Variants in FHIT observed in about 807,000 individuals in gnomAD.
FHIT encodes the protein bis(5'-adenosyl)-triphosphatase.
FHIT carries 19 observed loss-of-function variants against 17.9 expected under a neutral mutation model. That is an observed-to-expected ratio of 1.06 (90% CI 0.74 to 1.56). The LOEUF (loss-of-function observed/expected upper bound fraction) is 1.56, where lower values mean the gene tolerates loss of function less well. Ranked by LOEUF, FHIT falls within the 40% of genes most tolerant of loss-of-function variation. The pLI, the probability that FHIT is intolerant of heterozygous loss-of-function variation, is 0.00. For synonymous variants in FHIT, 81 were observed against 69.7 expected, an observed-to-expected ratio of 1.16 and a Z score of -0.81; for missense variants, 248 against 189.2, an observed-to-expected ratio of 1.31 and a Z score of -1.82.
Position 60,014,136 on chromosome 3 carries a change from C to T in FHIT, c.120G>A (p.Pro40=), listed in dbSNP as rs760134539. Residue 40 remains proline (P), a synonymous_variant, in exon 6 of 10, where the codon CCG becomes CCA. Coordinates refer to ENST00000492590, the MANE Select transcript of FHIT (RefSeq NM_002012.4). ...CATGGAAGCGCTCCACTGGCCGCAG[C>T]GGGCACACAAGGACATCTGTAGCAA... ...PVVPGHVLVC[P]LRPVERFHDL... 116 of 1,613,888 alleles carry T rather than the reference C, an allele frequency of 7.2e-5. No homozygotes were observed. Among genetic ancestry groups the T allele is most frequent in the Middle Eastern group, 3.3e-4 (2 of 6,080 alleles).
chr3:60,151,798 A>G (rs1700476169), intron 5 of FHIT, among the ~76,000 whole-genome samples: 1 of 152,118 alleles, frequency 6.6e-6, no homozygotes, highest in Non-Finnish European at 1.5e-5. Context: ...CCAATCTCAT[A>G]TCTTCAAAAA....
At chr3:60,203,676 T>A (rs576183027) in intron 5 of FHIT, among the ~76,000 whole-genome samples, 1 of 152,256 alleles carries the variant, frequency 6.6e-6, no homozygotes, top group African/African-American at 2.4e-5. Flanking sequence ...AAAACATATA[T>A]GTACACACTG....
chr3:61,159,202 ACATTTTC>A (rs1325441812), intron 2 of FHIT, among the ~76,000 whole-genome samples: 1 of 152,182 alleles, frequency 6.6e-6, no homozygotes, highest in Non-Finnish European at 1.5e-5. Context: ...AATAGGACTA[ACATTTTC>A]TATCTGGTAT....
chr3:60,632,480 G>A (rs555220545), intron 4 of FHIT, among the ~76,000 whole-genome samples: 1 of 152,264 alleles, frequency 6.6e-6, no homozygotes, highest in African/African-American at 2.4e-5. Flanking sequence ...GTAGGAGAGC[G>A]CGTCTTCTCC....
chr3:59,758,355 A>G (rs1326689844), intron 8 of FHIT, among the ~76,000 whole-genome samples: 2 of 152,202 alleles, frequency 1.3e-5, no homozygotes, highest in South Asian at 2.1e-4. Context: ...ACAAACATGT[A>G]TCAGAGTTAG....
chr3:60,158,110 C>G (rs1218898371), intron 5 of FHIT, among the ~76,000 whole-genome samples: 1 of 151,960 alleles, frequency 6.6e-6, no homozygotes, highest in Non-Finnish European at 1.5e-5. Context: ...TGATAAGGAA[C>G]AAAAGAAGAA....
At chr3:60,725,742 T>C (rs769310787) in intron 4 of FHIT, among the ~76,000 whole-genome samples, 80 of 152,210 alleles carry the variant, frequency 5.3e-4, no homozygotes, top group Non-Finnish European at 1.0e-3. Flanking sequence ...CTGGTGCTAC[T>C]GCTGCTAATA....
At chr3:60,818,222 C>A (rs931021552) in intron 4 of FHIT, among the ~76,000 whole-genome samples, 3 of 152,128 alleles carry the variant, frequency 2.0e-5, no homozygotes. Flanking sequence ...ACATTTGGCT[C>A]ATCTTGGAAT....
At chr3:60,922,658 A>G (rs1357672731) in intron 3 of FHIT, among the ~76,000 whole-genome samples, 1 of 152,172 alleles carries the variant, frequency 6.6e-6, no homozygotes, top group Non-Finnish European at 1.5e-5. Context: ...TTACTCAACC[A>G]TGTTATCAAC....
intron 4 of FHIT, among the ~76,000 whole-genome samples, chr3:60,730,883 G>A (rs782464114): frequency 6.6e-6 from 1 of 151,820 alleles, no homozygotes; most frequent in Non-Finnish European, 1.5e-5. Context: ...TTGGGAGGCT[G>A]AGGCAGGTGG....
At chr3:61,120,545 A>T (rs1394821213) in intron 2 of FHIT, among the ~76,000 whole-genome samples, 1 of 152,140 alleles carries the variant, frequency 6.6e-6, no homozygotes, top group Non-Finnish European at 1.5e-5. Flanking sequence ...AGCTAACCCT[A>T]CCTAAAGTGT....
At chr3:59,784,018 T>C (rs1051547134) in intron 8 of FHIT, among the ~76,000 whole-genome samples, 3 of 152,198 alleles carry the variant, frequency 2.0e-5, no homozygotes, top group African/African-American at 7.2e-5. Flanking sequence ...TGAAAGATGA[T>C]ATTGACTATT....
At chr3:60,625,978 A>C (rs2039274445) in intron 4 of FHIT, among the ~76,000 whole-genome samples, 1 of 152,228 alleles carries the variant, frequency 6.6e-6, no homozygotes, top group Admixed American at 6.5e-5. Context: ...GTTGCCCCAG[A>C]ATCATTTGTT....
chr3:59,789,388 GACTA>G (rs1374700051), intron 8 of FHIT, among the ~76,000 whole-genome samples: 3 of 152,070 alleles, frequency 2.0e-5, no homozygotes, highest in African/African-American at 7.2e-5. Flanking sequence ...GGTTTCTACT[GACTA>G]ACTCATTTAA....
At chr3:59,887,474 A>T (rs1703675949) in intron 8 of FHIT, among the ~76,000 whole-genome samples, 1 of 152,220 alleles carries the variant, frequency 6.6e-6, no homozygotes, top group African/African-American at 2.4e-5. Flanking sequence ...TGCAGCAGTC[A>T]GAGAGCCAAG....
intron 4 of FHIT, chr3:60,732,622 G>A: frequency 1.9e-6 from 1 of 521,900 alleles, no homozygotes; most frequent in South Asian, 1.6e-5. Flanking sequence ...GGAAGTACAC[G>A]GTGGGGTTGA....
chr3:60,893,539 C>T (rs1281790090), intron 3 of FHIT, among the ~76,000 whole-genome samples: 6 of 152,162 alleles, frequency 3.9e-5, no homozygotes, highest in Non-Finnish European at 8.8e-5. Context: ...TTACTCTACT[C>T]TGTAGATGCC....
chr3:59,788,193 TTTCAC>T (rs1699395033), intron 8 of FHIT, among the ~76,000 whole-genome samples: 1 of 152,126 alleles, frequency 6.6e-6, no homozygotes. Context: ...GGGCTTTGAT[TTTCAC>T]TTTTTCATGG....
At chr3:59,938,664 C>T (rs1706360556) in intron 7 of FHIT, among the ~76,000 whole-genome samples, 1 of 152,122 alleles carries the variant, frequency 6.6e-6, no homozygotes, top group Non-Finnish European at 1.5e-5. Context: ...TGTCTTAACA[C>T]CATGTTGTAT....
Sources: gnomAD v4.1 joint callset for allele counts (sites outside exome capture counted in the v4.1 genomes callset) on GRCh38, gnomAD v4.1.1 for gene constraint, MANE v1.5 for transcripts, NCBI Gene and HGNC (gene_info 2026-07-23, HGNC 2026-07-21) for gene names.